The following SHISAL1 variants were observed in gnomAD, a reference collection of about 807,000 sequenced individuals.
SHISAL1 encodes the protein protein shisa-like-1.
Under a neutral mutation model 22.6 loss-of-function variants are expected in SHISAL1, and 9 were observed. The observed-to-expected ratio is 0.40, with a 90% CI of 0.24 to 0.70. The LOEUF (loss-of-function observed/expected upper bound fraction) is 0.70. SHISAL1 is among the 30% of genes least tolerant of loss of function. The pLI is 0.39. For synonymous variants in SHISAL1, 119 were observed against 115.4 expected (o/e 1.03, Z -0.20); for missense variants, 246 against 270.6 (o/e 0.91, Z 0.64).
the SHISAL1 span, among the ~76,000 whole-genome samples, chr22:44,322,410 A>C: frequency 6.6e-6 from 1 of 152,074 alleles, no homozygotes; most frequent in Non-Finnish European, 1.5e-5. Context: ...CGTGTGCCTC[A>C]GGTCTCCTCA....
chr22:44,324,023 G>C, the SHISAL1 span, among the ~76,000 whole-genome samples: 1 of 152,146 alleles, frequency 6.6e-6, no homozygotes. Context: ...TTTGTCCAAG[G>C]CCACACAGCC....
intron 1 of SHISAL1, among the ~76,000 whole-genome samples, chr22:44,307,867 G>T (rs2055490396): frequency 6.6e-6 from 1 of 152,196 alleles, no homozygotes; most frequent in Non-Finnish European, 1.5e-5. Context: ...AGGGCAGGAT[G>T]CAGGATGGCC....
chr22:44,263,079 C>CTTTTTTTTT (rs922017518), intron 4 of SHISAL1, among the ~76,000 whole-genome samples: 1 of 88,252 alleles, frequency 1.1e-5, no homozygotes, highest in African/African-American at 4.1e-5. Context: ...TTCTTTCTTT[C>CTTTTTTTTT]TTTTTTTTTT....
rs941443842 is a variant in SHISAL1 at position 44,312,756 on chromosome 22, G to C, written c.-38C>G. On this transcript the variant is annotated 5_prime_UTR_variant, in exon 1 of 5. Transcript: ENST00000381176. ...CTCCACAGGCTGCTCCTTACCTGCC[G>C]AGCCCTGTGACTGAGGGATCAGAAG... The C allele has an allele frequency of 6.6e-6, 1 of 152,276 alleles. No individual in the cohort carries two copies. The highest frequency in any genetic ancestry group is 1.9e-4 in the East Asian group (1 of 5,198). The allele number at this position is 152,276 out of a possible 1,614,324, so 9.4% of individuals were successfully genotyped here. A position where few individuals can be genotyped will look rare whatever the true frequency, so the allele number is the denominator to read the frequency against.
At chr22:44,271,711 A>G (rs1034205565) in intron 4 of SHISAL1, among the ~76,000 whole-genome samples, 1 of 152,160 alleles carries the variant, frequency 6.6e-6, no homozygotes, top group Non-Finnish European at 1.5e-5. Context: ...AGCCGGGCCT[A>G]TTAAGGGCCC....
chr22:44,268,869 A>G (rs74929725), intron 4 of SHISAL1, among the ~76,000 whole-genome samples: 4,986 of 152,082 alleles, frequency 0.033, 277 homozygotes, highest in African/African-American at 0.12. Flanking sequence ...ATGCTTTTTA[A>G]TCCTTGTGAA....
chr22:44,255,035 G>A (rs1438745021), intron 4 of SHISAL1, among the ~76,000 whole-genome samples: 1 of 152,082 alleles, frequency 6.6e-6, no homozygotes, highest in African/African-American at 2.4e-5. Context: ...GGACACTGCA[G>A]TCCCCTCTCC....
chr22:44,261,585 C>T (rs2055124671), intron 4 of SHISAL1, among the ~76,000 whole-genome samples: 1 of 152,242 alleles, frequency 6.6e-6, no homozygotes, highest in Non-Finnish European at 1.5e-5. Context: ...AGGCCATCCT[C>T]ACTGCTGCCC....
intron 4 of SHISAL1, among the ~76,000 whole-genome samples, chr22:44,272,718 T>C (rs1038366431): frequency 3.3e-5 from 5 of 152,232 alleles, no homozygotes; most frequent in African/African-American, 1.2e-4. Context: ...GGCCGATGAA[T>C]TGGCCTCCCA....
chr22:44,310,594 C>T lies in SHISAL1; in HGVS notation c.-33+2157G>A, dbSNP rs2055511481. Among the ~76,000 whole-genome samples the T allele has an allele frequency of 6.6e-6, 1 of 152,294 alleles. No individual in the cohort carries two copies. Among genetic ancestry groups the T allele is most frequent in the Non-Finnish European group, 1.5e-5 (1 of 68,032 alleles). On this transcript the variant is annotated intron_variant, in intron 1 of 4. Coordinates refer to ENST00000381176, the MANE Select transcript of SHISAL1 (RefSeq NM_001099294.2). The surrounding 1 kb of genome is among the most constrained non-coding windows in gnomAD (Gnocchi z 4.0). ...AAACATAGAAAGGACCAGAAGCTAGCAGGGCACCCAGAACATTAGCAGCTG... is the reference window on the plus strand; with the variant it reads ...AAACATAGAAAGGACCAGAAGCTAGTAGGGCACCCAGAACATTAGCAGCTG...
At chr22:44,279,909 C>G (rs1175237524) in intron 4 of SHISAL1, among the ~76,000 whole-genome samples, 1 of 152,198 alleles carries the variant, frequency 6.6e-6, no homozygotes. Context: ...TTTGCAAACC[C>G]AACAAGACCC....
chr22:44,281,777 T>G (rs2055278446), intron 4 of SHISAL1, among the ~76,000 whole-genome samples: 1 of 152,036 alleles, frequency 6.6e-6, no homozygotes, highest in African/African-American at 2.4e-5. Flanking sequence ...ACAGTCTGAG[T>G]TCAGTAGCTA....
intron 4 of SHISAL1, among the ~76,000 whole-genome samples, chr22:44,255,611 G>C (rs925028634): frequency 1.2e-4 from 19 of 152,212 alleles, no homozygotes; most frequent in Admixed American, 1.0e-3. Flanking sequence ...GATTCTTGCA[G>C]TGGTGTCTGC....
the SHISAL1 span, among the ~76,000 whole-genome samples, chr22:44,323,681 A>ATCCATCTT: frequency 6.6e-6 from 1 of 150,392 alleles, no homozygotes; most frequent in Non-Finnish European, 1.5e-5. Flanking sequence ...CCATCCATCC[A>ATCCATCTT]TCCATCCATC....
chr22:44,268,565 G>C lies in SHISAL1; in HGVS notation c.599+16863C>G, dbSNP rs551949290. Reference sequence around the variant, plus strand: ...ACGAGGTGCCGGGACTCCCAGCCCAGGGTTCTGCTCTGCACCAGCACCCCC... The same window carrying C: ...ACGAGGTGCCGGGACTCCCAGCCCACGGTTCTGCTCTGCACCAGCACCCCC... On this transcript the variant is annotated intron_variant, in intron 4 of 4. Transcript: ENST00000381176. 1.2e-3 allele frequency among the ~76,000 whole-genome samples: 177 copies of C among 152,336 alleles called. 1 individual carries two copies. Among genetic ancestry groups the C allele is most frequent in the Non-Finnish European group, 2.4e-4 (16 of 68,036 alleles).
In SHISAL1 at chr22:44,300,938, C is replaced by T. The variant is rs889530677; in HGVS notation, c.8G>A (p.Ser3Asn). 37 of 1,614,074 alleles carry T rather than the reference C, an allele frequency of 2.3e-5. No individual in the cohort carries two copies. The highest frequency in any genetic ancestry group is 3.1e-5 in the Non-Finnish European group (37 of 1,180,018). The change falls in exon 2 of 5, where the codon AGT (serine) becomes AAT (asparagine). Residue 3 changes from serine to asparagine, a missense_variant. Ser to Asn is a conservative substitution (Grantham distance 46). Around this residue, in one of 2 missense-constraint regions of SHISAL1, gnomAD observed 110 missense variants for 153.1 expected, o/e 0.72. Coordinates refer to ENST00000381176, the MANE Select transcript of SHISAL1 (RefSeq NM_001099294.2). ...CACGTTCAAGGACTGCTGGCCACAA[C>T]TGGTCATCGTCTGGCTTGCATTGAT... MT[S>N]CGQQSLNVLA...
intron 4 of SHISAL1, among the ~76,000 whole-genome samples, chr22:44,272,527 C>T (rs1406645114): frequency 1.3e-5 from 2 of 152,228 alleles, no homozygotes; most frequent in African/African-American, 4.8e-5. Flanking sequence ...GGGCTGCATC[C>T]ATGCAACAAA....
chr22:44,289,213 GGCAAAGTCACTT>G (rs2055336182), intron 3 of SHISAL1, among the ~76,000 whole-genome samples: 1 of 152,232 alleles, frequency 6.6e-6, no homozygotes, highest in Admixed American at 6.5e-5. Flanking sequence ...GACCCAGAGA[GGCAAAGTCACTT>G]GCCAAAGGCC....
At chr22:44,271,654 G>A (rs565420826) in intron 4 of SHISAL1, among the ~76,000 whole-genome samples, 1 of 152,308 alleles carries the variant, frequency 6.6e-6, no homozygotes, top group Admixed American at 6.5e-5. Flanking sequence ...TGTCGATGGA[G>A]ATAAATTCCT....
Sources: gnomAD v4.1 joint callset for allele counts (sites outside exome capture counted in the v4.1 genomes callset) on GRCh38, gnomAD v4.1.1 for gene constraint, gnomAD v4.1.1 regional missense constraint, Gnocchi (gnomAD v3.1) non-coding constraint, MANE v1.5 for transcripts, NCBI Gene and HGNC (gene_info 2026-07-23, HGNC 2026-07-21) for gene names.